The following WTAP variants were observed in gnomAD, a reference collection of about 807,000 sequenced individuals.
WTAP encodes the protein pre-mRNA-splicing regulator WTAP.
In WTAP, 8 loss-of-function variants were observed where a neutral mutation model predicts 50.0. That is an observed-to-expected ratio of 0.16 (90% confidence interval 0.09 to 0.29). The LOEUF (loss-of-function observed/expected upper bound fraction) is 0.29, where lower values mean the gene tolerates loss of function less well. Among genes scored for constraint, WTAP ranks in the 10% least tolerant of loss-of-function variants. WTAP has a pLI of 1.00. For missense variants in WTAP, 295 were observed against 470.7 expected, an observed-to-expected ratio of 0.63 and a Z score of 3.45; for synonymous variants, 194 against 169.0, an observed-to-expected ratio of 1.15 and a Z score of -1.15.
intron 2 of WTAP, among the ~76,000 whole-genome samples, chr6:159,737,719 C>T (rs548173067): frequency 1.2e-4 from 18 of 152,036 alleles, no homozygotes; most frequent in East Asian, 3.9e-4. Context: ...CTTGAACTCC[C>T]GAGTTCAAGA....
intron 3 of WTAP, 38 bp downstream of exon 3, chr6:159,739,083 A>G (rs984014447): frequency 7.9e-6 from 12 of 1,515,680 alleles, no homozygotes; most frequent in Non-Finnish European, 1.1e-5. Context: ...GTCTTTCTAT[A>G]GAACATTATA....
At chr6:159,750,937 T>C (rs1378793844) in intron 6 of WTAP, among the ~76,000 whole-genome samples, 1 of 152,244 alleles carries the variant, frequency 6.6e-6, no homozygotes, top group Non-Finnish European at 1.5e-5. Flanking sequence ...TGTTTTTCTG[T>C]TCTAATTTTG....
At chr6:159,731,305 A>G (rs895083829) in intron 1 of WTAP, among the ~76,000 whole-genome samples, 2 of 148,738 alleles carry the variant, frequency 1.3e-5, no homozygotes, top group Non-Finnish European at 3.0e-5. Context: ...TACTACCAAG[A>G]AAAAAAAAAC....
intron 2 of WTAP, among the ~76,000 whole-genome samples, chr6:159,737,416 GTAT>G (rs1164313449): frequency 6.6e-6 from 1 of 152,110 alleles, no homozygotes; most frequent in Non-Finnish European, 1.5e-5. Context: ...TTACTGGTTA[GTAT>G]TATAATTTGA....
intron 2 of WTAP, among the ~76,000 whole-genome samples, chr6:159,737,424 A>C (rs1411304152): frequency 6.6e-6 from 1 of 152,212 alleles, no homozygotes; most frequent in Admixed American, 6.5e-5. Context: ...TAGTATTATA[A>C]TTTGAAACAT....
upstream of WTAP, chr6:159,727,480 G>GGGGCCGGGCGGCGGGGCC: frequency 2.0e-6 from 2 of 994,120 alleles, no homozygotes; most frequent in Non-Finnish European, 2.4e-6. Context: ...GCGGCGGGGC[G>GGGGCCGGGCGGCGGGGCC]GGGCCGGGCG....
intron 4 of WTAP, among the ~76,000 whole-genome samples, chr6:159,743,306 C>CA (rs371123089): frequency 3.9e-5 from 6 of 152,360 alleles, no homozygotes; most frequent in South Asian, 2.1e-4. Flanking sequence ...CTCAGCCTCC[C>CA]AAAGTGCTGG....
chr6:159,755,657 G>A lies in WTAP; in HGVS notation c.*46G>A. On this transcript the variant is annotated 3_prime_UTR_variant, in exon 8 of 8. Transcript: ENST00000621533. ...ATACAGTGTCATTTAATTTGGGAGAGGATACTGTCCAGAAAATTAATGCAT... is the reference window on the plus strand; with the variant it reads ...ATACAGTGTCATTTAATTTGGGAGAAGATACTGTCCAGAAAATTAATGCAT... 1 of 1,499,522 alleles carries A rather than the reference G, an allele frequency of 6.7e-7. No homozygotes were observed. Among genetic ancestry groups the A allele is most frequent in the Non-Finnish European group, 8.9e-7 (1 of 1,127,700 alleles). 92.9% of individuals were successfully genotyped at this position (1,499,522 alleles called of 1,614,324 possible).
In WTAP at chr6:159,748,256, A is replaced by G. The variant is rs1246459368; in HGVS notation, c.339A>G (p.Val113=). 6.2e-7 allele frequency: 1 copy of G among 1,614,032 alleles called. No homozygotes were observed. Among genetic ancestry groups the G allele is most frequent in the African/African-American group, 1.3e-5 (1 of 74,924 alleles). ...PSVAQLRSTM[V]DPAINLFFLK... ...TTGCCCAACTGAGATCAACAATGGTAGACCCAGCGATCAACTTGTTTTTCC... is the reference window on the plus strand; with the variant it reads ...TTGCCCAACTGAGATCAACAATGGTGGACCCAGCGATCAACTTGTTTTTCC... Residue 113 remains valine, a synonymous_variant, in exon 6 of 8, where the codon GTA becomes GTG. Transcript: ENST00000621533. This position sits in a 1 kb window ranked among gnomAD's most constrained non-coding sequence, Gnocchi z 5.6.
At chr6:159,747,132 A>G (rs1779622044) in intron 5 of WTAP, among the ~76,000 whole-genome samples, 1 of 152,214 alleles carries the variant, frequency 6.6e-6, no homozygotes, top group Admixed American at 6.5e-5. Context: ...AATCCTATTT[A>G]AGCCTTAGTA....
At chr6:159,753,677 A>G (rs181373704) in intron 7 of WTAP, 63 bp downstream of exon 7, 3 of 1,529,700 alleles carry the variant, frequency 2.0e-6, no homozygotes, top group Non-Finnish European at 2.6e-6. Context: ...TAAAACTGCC[A>G]GTCATGAATA....
intron 1 of WTAP, 96 bp from the exon 2 acceptor site, chr6:159,736,162 C>T: frequency 1.7e-6 from 2 of 1,153,342 alleles, no homozygotes; most frequent in Non-Finnish European, 2.5e-6. Context: ...TAATTTAGTT[C>T]ACTAATAAAT....
rs1779984995 is a variant in WTAP at position 159,755,760 on chromosome 6, C to CTTTTTTTTTTTTTTTTTTTTTTTTTTT, written c.*153_*154insTTTTTTTTTTTTTTTTTTTTTTTTTTT. 5 of 283,678 alleles carry CTTTTTTTTTTTTTTTTTTTTTTTTTTT rather than the reference C, an allele frequency of 1.8e-5. No individual in the cohort carries two copies. The highest frequency in any genetic ancestry group is 5.0e-5 in the African/African-American group (1 of 19,984). The allele number at this position is 283,678 out of a possible 1,614,324, so 17.6% of individuals were successfully genotyped here. A position where few individuals can be genotyped will look rare whatever the true frequency, so the allele number is the denominator to read the frequency against. On this transcript the variant is annotated 3_prime_UTR_variant, in exon 8 of 8. Coordinates refer to ENST00000621533, the MANE Select transcript of WTAP (RefSeq NM_001270531.2). ...TGTTTTTTTTCTTTGTTTTTTTTTT[C>CTTTTTTTTTTTTTTTTTTTTTTTTTTT]TTTTCTTTTTTTTTTTTTTTTTTTT...
upstream of WTAP, chr6:159,727,013 G>C: frequency 8.0e-7 from 1 of 1,242,802 alleles, no homozygotes; most frequent in Non-Finnish European, 1.0e-6. Context: ...TCCGCACGAG[G>C]CAGCCCCGCA....
upstream of WTAP, chr6:159,727,366 G>A: frequency 5.7e-6 from 7 of 1,223,682 alleles, no homozygotes; most frequent in Non-Finnish European, 7.4e-6. Context: ...ATGGCGGAGC[G>A]GGGAGGCTGG....
chr6:159,743,903 A>ATAGG, intron 5 of WTAP, 111 bp downstream of exon 5: 1 of 1,173,306 alleles, frequency 8.5e-7, no homozygotes, highest in Non-Finnish European at 1.1e-6. Context: ...CTTATCTTTT[A>ATAGG]TAGGTACGTA....
chr6:159,738,825 T>C (rs911979745), intron 2 of WTAP, among the ~76,000 whole-genome samples, 165 bp from the exon 3 acceptor site: 3 of 150,676 alleles, frequency 2.0e-5, no homozygotes, highest in African/African-American at 7.4e-5. Context: ...ACCAAATAGT[T>C]TACCTTAAAA....
At chr6:159,732,575 C>T (rs2114877745) in intron 1 of WTAP, among the ~76,000 whole-genome samples, 1 of 152,310 alleles carries the variant, frequency 6.6e-6, no homozygotes, top group East Asian at 1.9e-4. Context: ...TAGCTTACAC[C>T]TGTAATCCCA....
rs1779991396 is a variant in WTAP, at chr6:159,755,784, T to TTTTTTTG, written c.*174_*180dup. The TTTTTTTG allele has an allele frequency of 9.7e-7, 1 of 1,031,250 alleles. No individual in the cohort carries two copies. The highest frequency in any genetic ancestry group is 3.3e-5 in the East Asian group (1 of 30,478). The allele number at this position is 1,031,250 out of a possible 1,614,324, so 63.9% of individuals were successfully genotyped here. On this transcript the variant is annotated 3_prime_UTR_variant, in exon 8 of 8. Transcript: ENST00000621533. ...TCTTTTCTTTTTTTTTTTTTTTTTT[T>TTTTTTTG]TTTTTTGCTTCAATACTTCTGCCGC...
Sources: allele counts gnomAD v4.1 joint callset (sites outside exome capture counted in the v4.1 genomes callset), GRCh38; gene constraint gnomAD v4.1.1; non-coding constraint Gnocchi (gnomAD v3.1); transcripts MANE v1.5; gene names NCBI Gene and HGNC (gene_info 2026-07-23, HGNC 2026-07-21).